Variants in KIF1A observed in about 807,000 individuals in gnomAD.
KIF1A encodes kinesin family member 1A.
Under a neutral mutation model 227.3 loss-of-function variants are expected in KIF1A, and 46 were observed. The ratio of observed to expected loss-of-function variants is 0.20; its 90% CI spans 0.16 to 0.26. KIF1A has a LOEUF of 0.26. Among genes scored for constraint, KIF1A ranks in the 10% least tolerant of loss-of-function variants. The pLI is 1.00. For missense variants in KIF1A, 1,683 were observed against 2,485.9 expected, an observed-to-expected ratio of 0.68 and a Z score of 6.87; for synonymous variants, 1,022 against 1,012.8, an observed-to-expected ratio of 1.01 and a Z score of -0.17.
intron 20 of KIF1A, among the ~76,000 whole-genome samples, chr2:240,764,163 G>A (rs941312362): frequency 2.0e-5 from 3 of 152,144 alleles, no homozygotes; most frequent in Non-Finnish European, 4.4e-5. Context: ...CAGGTGGCCC[G>A]TGCCTGCAGG....
rs200899576 is a variant in KIF1A at position 240,787,235 on chromosome 2, A to T, written c.429+16T>A. On this transcript the variant is annotated intron_variant, in intron 5 of 48. Transcript: ENST00000498729. ...CAGCCCTGCCCCAGCGGCCAACGGC[A>T]GGCGGGGAGCCCTACCTCCACGGAG... The T allele has an allele frequency of 8.7e-6, 14 of 1,607,322 alleles. No homozygotes were observed. In the African/African-American group the frequency reaches 1.7e-4, roughly 20 times the overall value.
In KIF1A at chr2:240,797,799, T is replaced by C. The variant is rs763337562; in HGVS notation, c.-47A>G. 1.6e-6 allele frequency: 2 copies of C among 1,226,182 alleles called. No homozygotes were observed. The highest frequency in any genetic ancestry group is 1.2e-6 in the Non-Finnish European group (1 of 846,340). 76.0% of individuals were successfully genotyped at this position (1,226,182 alleles called of 1,614,324 possible). On this transcript the variant is annotated 5_prime_UTR_variant, in exon 2 of 49. Coordinates refer to ENST00000498729, the MANE Select transcript of KIF1A (RefSeq NM_001244008.2). ...CTCCTCGCAGTAGTGGGAGCCCCAGTGTGGGGGGAACACCTTGGAAAAAAG... is the reference window on the plus strand; with the variant it reads ...CTCCTCGCAGTAGTGGGAGCCCCAGCGTGGGGGGAACACCTTGGAAAAAAG...
At position 240,717,245 on chromosome 2, in the gene KIF1A, G is replaced by T; in HGVS notation, c.*119C>A. On this transcript the variant is annotated 3_prime_UTR_variant, in exon 49 of 49. Coordinates refer to ENST00000498729, the MANE Select transcript of KIF1A (RefSeq NM_001244008.2). Reference sequence around the variant, plus strand: ...CGGGCCTGGCATGGGCGTCCCCTGGGGGGTCGACCCGGTCGTGGGCTGTCT... The same window carrying T: ...CGGGCCTGGCATGGGCGTCCCCTGGTGGGTCGACCCGGTCGTGGGCTGTCT... 2 of 975,472 alleles carry T rather than the reference G, an allele frequency of 2.1e-6. No individual in the cohort carries two copies. The highest frequency in any genetic ancestry group is 1.5e-5 in the South Asian group (1 of 68,142). The allele number at this position is 975,472 out of a possible 1,614,324, so 60.4% of individuals were successfully genotyped here.
chr2:240,803,940 G>C (rs537286503), intron 1 of KIF1A, among the ~76,000 whole-genome samples: 3 of 152,172 alleles, frequency 2.0e-5, no homozygotes, highest in Non-Finnish European at 2.9e-5. Context: ...TGATATATGT[G>C]AAATCAAAAA....
At position 240,762,777 on chromosome 2, in the gene KIF1A, C is replaced by T. The variant is rs1204071271; in HGVS notation, c.2058G>A (p.Gln686=). The T allele has an allele frequency of 6.3e-7, 1 of 1,599,858 alleles. No homozygotes were observed. The highest frequency in any genetic ancestry group is 8.5e-7 in the Non-Finnish European group (1 of 1,169,944). ...CCTCCGGGTAGTACCTGGAGTCCAT[C>T]TGCTTCTGCAGAGCCTCCAGCTTGC... The part of the protein sequence containing the change: ...YESKLEALQK[Q]MDSRYYPEVN... Residue 686 remains glutamine, a synonymous_variant, in exon 23 of 49, where the codon CAG becomes CAA. Coordinates refer to ENST00000498729, the MANE Select transcript of KIF1A (RefSeq NM_001244008.2).
intron 1 of KIF1A, among the ~76,000 whole-genome samples, chr2:240,809,490 G>A (rs2057693257): frequency 6.6e-6 from 1 of 152,142 alleles, no homozygotes; most frequent in African/African-American, 2.4e-5. Flanking sequence ...AAGGGGGAGA[G>A]GACGGACGAC....
Position 240,717,297 on chromosome 2 carries a change from G to A in KIF1A, c.*67C>T. ...GCAGGAGAGGGGCTGGGCGGCAGGT[G>A]ACAGGACAGACGAGGATGAGGGAGG... On this transcript the variant is annotated 3_prime_UTR_variant, in exon 49 of 49. Transcript: ENST00000498729. The A allele has an allele frequency of 1.4e-6, 2 of 1,468,598 alleles. No homozygotes were observed. Among genetic ancestry groups the A allele is most frequent in the South Asian group, 2.3e-5 (2 of 87,522 alleles). The allele number at this position is 1,468,598 out of a possible 1,614,324, so 91.0% of individuals were successfully genotyped here. A position where few individuals can be genotyped will look rare whatever the true frequency, so the allele number is the denominator to read the frequency against.
chr2:240,785,508 C>A lies in KIF1A; in HGVS notation c.609-408G>T, dbSNP rs116754893. Among the ~76,000 whole-genome samples the A allele has an allele frequency of 7.8e-3, 1,186 of 152,274 alleles. 21 individuals are homozygous for A. The highest frequency in any genetic ancestry group is 0.028 in the African/African-American group (1,147 of 41,562). The stretch of plus-strand genomic sequence containing the variant: ...TCTGGGAAGCCCAAGGAGCCCGCCA[C>A]ACCCCTCAGGAGATGGCATGGGTCT... On this transcript the variant is annotated intron_variant, in intron 6 of 48. Transcript: ENST00000498729.
At chr2:240,737,829 AAC>A (rs892805753) in intron 37 of KIF1A, among the ~76,000 whole-genome samples, 6 of 152,318 alleles carry the variant, frequency 3.9e-5, no homozygotes, top group South Asian at 2.1e-4. Flanking sequence ...GGAGTAAACA[AAC>A]ACATGTACAT....
At chr2:240,754,368 A>C (rs1293492140) in intron 27 of KIF1A, among the ~76,000 whole-genome samples, 1 of 114,448 alleles carries the variant, frequency 8.7e-6, no homozygotes, top group African/African-American at 3.6e-5. Context: ...TCCTCTCCCC[A>C]CTGCCCGTCC....
rs183928022 is a variant in KIF1A, at chr2:240,778,826, G to A, written c.883-2900C>T. ...CCACGTTTCCCAAACAGCTCCTCCC[G>A]CCATGGCTCACACACTTCCTCACAC... On this transcript the variant is annotated intron_variant, in intron 10 of 48. Transcript: ENST00000498729. This position sits in a 1 kb window ranked among gnomAD's most constrained non-coding sequence, Gnocchi z 7.2. Among the ~76,000 whole-genome samples the A allele has an allele frequency of 4.6e-4, 70 of 151,546 alleles. No individual in the cohort carries two copies. The highest frequency in any genetic ancestry group is 3.4e-3 in the Middle Eastern group (1 of 292).
At chr2:240,769,291 C>A in intron 16 of KIF1A, 83 bp from the exon 17 acceptor site, 1 of 1,285,830 alleles carries the variant, frequency 7.8e-7, no homozygotes, top group East Asian at 2.5e-5. Context: ...ATGGGGGCAG[C>A]GGGCCTGTGG....
At chr2:240,767,569 G>A (rs914710137) in intron 17 of KIF1A, among the ~76,000 whole-genome samples, 16 of 152,228 alleles carry the variant, frequency 1.1e-4, no homozygotes, top group Admixed American at 3.3e-4. Flanking sequence ...GGTGGGACCC[G>A]ACCACCCGCA....
chr2:240,737,628 G>A (rs1371356606), intron 37 of KIF1A: 4 of 159,808 alleles, frequency 2.5e-5, no homozygotes, highest in African/African-American at 9.5e-5. Flanking sequence ...AGGGATAGGA[G>A]AGAACACTTT....
intron 38 of KIF1A, chr2:240,728,553 C>T (rs909748058): frequency 1.0e-5 from 5 of 501,818 alleles, no homozygotes; most frequent in African/African-American, 3.9e-5. Flanking sequence ...CCCAGGCTCT[C>T]GCTGCACACA....
At chr2:240,761,592 GC>G (rs1045156635) in intron 23 of KIF1A, among the ~76,000 whole-genome samples, 2 of 152,204 alleles carry the variant, frequency 1.3e-5, no homozygotes, top group African/African-American at 4.8e-5. Flanking sequence ...AGGTGGACAG[GC>G]CCCTCTCTCC....
At chr2:240,730,032 C>G (rs779127277) in intron 38 of KIF1A, among the ~76,000 whole-genome samples, 2 of 152,256 alleles carry the variant, frequency 1.3e-5, no homozygotes, top group Non-Finnish European at 2.9e-5. Context: ...TCCTGCCTGG[C>G]TCCACCTGGT....
intron 25 of KIF1A, among the ~76,000 whole-genome samples, chr2:240,760,331 T>C (rs2050360464): frequency 6.6e-6 from 1 of 152,248 alleles, no homozygotes; most frequent in African/African-American, 2.4e-5. Flanking sequence ...TCCGCCAGCC[T>C]GTTCTGTCGG....
intron 1 of KIF1A, among the ~76,000 whole-genome samples, chr2:240,804,676 G>A (rs528841732): frequency 1.6e-3 from 250 of 152,248 alleles, no homozygotes; most frequent in Middle Eastern, 6.8e-3. Context: ...TCTGAATGAC[G>A]CCCAGCTCTA....
Sources: allele counts gnomAD v4.1 joint callset (sites outside exome capture counted in the v4.1 genomes callset), GRCh38; gene constraint gnomAD v4.1.1; non-coding constraint Gnocchi (gnomAD v3.1); transcripts MANE v1.5; gene names NCBI Gene and HGNC (gene_info 2026-07-23, HGNC 2026-07-21).